Variants in C8A observed in about 807,000 individuals in gnomAD.
The protein encoded by C8A is complement component C8 alpha chain.
Under a neutral mutation model 65.3 loss-of-function variants are expected in C8A, and 67 were observed. The ratio of observed to expected loss-of-function variants is 1.03; its 90% CI spans 0.84 to 1.26. The LOEUF is 1.26. Among genes scored for constraint, C8A ranks in the 50% most tolerant of loss-of-function variants. C8A has a pLI of 0.00. For missense variants in C8A, 781 were observed against 723.9 expected (o/e 1.08, Z -0.90); for synonymous variants, 290 against 259.4 (o/e 1.12, Z -1.13).
chr1:56,867,849 T>G (rs1486855845), intron 2 of C8A, 147 bp downstream of exon 2: 1 of 703,920 alleles, frequency 1.4e-6, no homozygotes, highest in East Asian at 2.7e-5. Flanking sequence ...TATACATGGA[T>G]GGTGAAACTT....
chr1:56,888,139 T>A (rs952221111), intron 7 of C8A, among the ~76,000 whole-genome samples: 6 of 152,058 alleles, frequency 3.9e-5, no homozygotes, highest in African/African-American at 1.4e-4. Context: ...ATAAAAAAAA[T>A]TTCCAAATGT....
intron 5 of C8A, among the ~76,000 whole-genome samples, chr1:56,883,230 T>C (rs1308685896): frequency 6.6e-6 from 1 of 151,954 alleles, no homozygotes; most frequent in Non-Finnish European, 1.5e-5. Context: ...CATCTGTGTG[T>C]GTGTGTGTGT....
At position 56,917,698 on chromosome 1, in the gene C8A, A is replaced by G. The variant is rs748808393; in HGVS notation, c.1737A>G (p.Val579=). The change falls in exon 11 of 11, where the codon GTA becomes GTG. Residue 579 remains valine, a synonymous_variant. Coordinates refer to ENST00000361249, the MANE Select transcript of C8A (RefSeq NM_000562.3). ...NGGASCPGRK[V]QTQAC ...GGGCCTCGTGTCCAGGGCGGAAAGT[A>G]CAGACGCAGGCTTGCTGAGGGCCTC... The G allele has an allele frequency of 6.8e-6, 11 of 1,614,084 alleles. No homozygotes were observed. Among genetic ancestry groups the G allele is most frequent in the South Asian group, 1.1e-5 (1 of 91,084 alleles).
At chr1:56,886,731 G>A (rs959597807) in intron 7 of C8A, among the ~76,000 whole-genome samples, 3 of 152,136 alleles carry the variant, frequency 2.0e-5, no homozygotes, top group Non-Finnish European at 4.4e-5. Context: ...CCAACCTATT[G>A]TCGATAATTG....
At chr1:56,913,276 C>G (rs1383990099) in intron 10 of C8A, among the ~76,000 whole-genome samples, 1 of 152,192 alleles carries the variant, frequency 6.6e-6, no homozygotes, top group Non-Finnish European at 1.5e-5. Context: ...GTCATGTTCA[C>G]AGGTAACAAG....
chr1:56,886,633 C>T (rs1376996345), intron 7 of C8A, among the ~76,000 whole-genome samples: 1 of 152,100 alleles, frequency 6.6e-6, no homozygotes, highest in African/African-American at 2.4e-5. Flanking sequence ...TCCTCCATCT[C>T]CACTCCTACT....
intron 9 of C8A, among the ~76,000 whole-genome samples, chr1:56,908,903 A>G (rs2101302695): frequency 6.6e-6 from 1 of 152,296 alleles, no homozygotes; most frequent in South Asian, 2.1e-4. Context: ...GTTTTCCTCC[A>G]CAGAGGAAAT....
At chr1:56,878,143 C>G (rs1378745458) in intron 4 of C8A, among the ~76,000 whole-genome samples, 1 of 152,026 alleles carries the variant, frequency 6.6e-6, no homozygotes, top group Non-Finnish European at 1.5e-5. Flanking sequence ...TTCCCTCGTA[C>G]ATATCTGTGT....
At chr1:56,886,728 A>G (rs1644303288) in intron 7 of C8A, among the ~76,000 whole-genome samples, 1 of 152,180 alleles carries the variant, frequency 6.6e-6, no homozygotes, top group Non-Finnish European at 1.5e-5. Flanking sequence ...CTTCCAACCT[A>G]TTGTCGATAA....
At chr1:56,906,013 C>T (rs903949485) in intron 7 of C8A, among the ~76,000 whole-genome samples, 5 of 152,144 alleles carry the variant, frequency 3.3e-5, no homozygotes, top group African/African-American at 1.2e-4. Flanking sequence ...TAACGTGGGC[C>T]TGACAGTCTT....
intron 4 of C8A, among the ~76,000 whole-genome samples, chr1:56,878,702 T>C (rs2300954): frequency 0.2 from 30,050 of 152,100 alleles, 3,342 homozygotes; most frequent in East Asian, 0.36. Context: ...AAATAAAAAT[T>C]GACAGTTTTC....
At chr1:56,894,195 A>G (rs1001750367) in intron 7 of C8A, among the ~76,000 whole-genome samples, 2 of 152,094 alleles carry the variant, frequency 1.3e-5, no homozygotes, top group African/African-American at 4.8e-5. Context: ...GCTCTGAAAC[A>G]TTGCTCAACT....
At chr1:56,913,101 T>C (rs1442829343) in intron 10 of C8A, among the ~76,000 whole-genome samples, 2 of 152,162 alleles carry the variant, frequency 1.3e-5, no homozygotes, top group African/African-American at 4.8e-5. Flanking sequence ...GGCTTATAGA[T>C]GCATCGCTCC....
chr1:56,864,231 A>C (rs548052848), intron 1 of C8A, among the ~76,000 whole-genome samples: 1 of 152,232 alleles, frequency 6.6e-6, no homozygotes, highest in Non-Finnish European at 1.5e-5. Context: ...GGAATTAACC[A>C]AAGTAAAGAG....
At chr1:56,880,716 A>G (rs1644240588) in intron 4 of C8A, among the ~76,000 whole-genome samples, 1 of 152,314 alleles carries the variant, frequency 6.6e-6, no homozygotes, top group African/African-American at 2.4e-5. Context: ...ATTATACTTA[A>G]TACTAACAAT....
intron 2 of C8A, among the ~76,000 whole-genome samples, chr1:56,868,533 A>AGG (rs1481372345): frequency 6.6e-6 from 1 of 152,018 alleles, no homozygotes; most frequent in Non-Finnish European, 1.5e-5. Flanking sequence ...CAGGAGGATC[A>AGG]CTTGCGCCCA....
chr1:56,917,379 A>T (rs2101322367), intron 10 of C8A, among the ~76,000 whole-genome samples, 186 bp from the exon 11 acceptor site: 1 of 152,344 alleles, frequency 6.6e-6, no homozygotes, highest in South Asian at 2.1e-4. Context: ...CATCTGGACT[A>T]ACAAAGGAGC....
rs777996092 is a variant in C8A, at chr1:56,912,577, T to A, written c.1555T>A (p.Cys519Ser). The change falls in exon 10 of 11, where the codon TGC becomes AGC. Residue 519 changes from cysteine to serine, a missense_variant. Coordinates refer to ENST00000361249, the MANE Select transcript of C8A (RefSeq NM_000562.3). ...ILEGTSCRCQ[C>S]RLGSLGAACE... ...CGAGGGCACCAGCTGCAGGTGCCAG[T>A]GCCGCCTGGGTAGCTTGGGTGCTGC... 1 of 1,614,232 alleles carries A rather than the reference T, an allele frequency of 6.2e-7. No individual in the cohort carries two copies.
intron 1 of C8A, among the ~76,000 whole-genome samples, chr1:56,860,057 T>C (rs1416316120): frequency 6.6e-6 from 1 of 152,212 alleles, no homozygotes; most frequent in Non-Finnish European, 1.5e-5. Context: ...AGCAAGACTC[T>C]ATCTCAAAAG....
Sources: allele counts gnomAD v4.1 joint callset (sites outside exome capture counted in the v4.1 genomes callset), GRCh38; gene constraint gnomAD v4.1.1; transcripts MANE v1.5; gene names NCBI Gene and HGNC (gene_info 2026-07-23, HGNC 2026-07-21).